EEFSEC: variants seen among roughly 807,000 people sequenced by gnomAD.
The protein encoded by EEFSEC is selenocysteine-specific elongation factor.
Under a neutral mutation model 42.1 loss-of-function variants are expected in EEFSEC, and 43 were observed. The ratio of observed to expected loss-of-function variants is 1.02; its 90% CI spans 0.80 to 1.32. The LOEUF is 1.32. Ranked by LOEUF, EEFSEC falls within the 40% of genes most tolerant of loss-of-function variation. The pLI is 0.00. For synonymous variants in EEFSEC, 354 were observed against 339.1 expected, an observed-to-expected ratio of 1.04 and a Z score of -0.48; for missense variants, 745 against 803.6, an observed-to-expected ratio of 0.93 and a Z score of 0.88.
At chr3:128,259,894 A>T (rs2066280701) in intron 2 of EEFSEC, among the ~76,000 whole-genome samples, 1 of 151,796 alleles carries the variant, frequency 6.6e-6, no homozygotes, top group African/African-American at 2.4e-5. Context: ...TATATACACA[A>T]CATAGTTTGT....
At chr3:128,172,761 C>G (rs2065311925) in intron 1 of EEFSEC, among the ~76,000 whole-genome samples, 1 of 152,208 alleles carries the variant, frequency 6.6e-6, no homozygotes, top group Non-Finnish European at 1.5e-5. Context: ...ATTCATTGAG[C>G]ATGTCCATTG....
intron 4 of EEFSEC, among the ~76,000 whole-genome samples, chr3:128,272,553 C>T (rs1245260719): frequency 2.0e-5 from 3 of 152,162 alleles, no homozygotes; most frequent in African/African-American, 4.8e-5. Flanking sequence ...GTGTCTGCCC[C>T]GCCTCAGAAC....
At chr3:128,239,793 A>G (rs1221962776) in intron 1 of EEFSEC, among the ~76,000 whole-genome samples, 2 of 151,536 alleles carry the variant, frequency 1.3e-5, no homozygotes, top group Non-Finnish European at 2.9e-5. Flanking sequence ...GCTTTATAAA[A>G]CTCCCCTCCA....
intron 4 of EEFSEC, among the ~76,000 whole-genome samples, chr3:128,316,330 G>T (rs2066944468): frequency 1.3e-5 from 2 of 152,082 alleles, no homozygotes; most frequent in African/African-American, 4.8e-5. Context: ...TACACACTTA[G>T]GAATAAAAAG....
intron 1 of EEFSEC, among the ~76,000 whole-genome samples, chr3:128,194,964 T>C (rs920035814): frequency 6.6e-6 from 1 of 152,232 alleles, no homozygotes; most frequent in African/African-American, 2.4e-5. Flanking sequence ...ACATTATTAG[T>C]TGAATAGTTA....
chr3:128,407,381 G>T (rs536492029), intron 6 of EEFSEC, among the ~76,000 whole-genome samples: 6 of 152,326 alleles, frequency 3.9e-5, no homozygotes, highest in Admixed American at 3.9e-4. Context: ...CCCCACTGGG[G>T]TGTCCTGATG....
At chr3:128,404,409 GC>G (rs1196486482) in intron 6 of EEFSEC, among the ~76,000 whole-genome samples, 1 of 152,262 alleles carries the variant, frequency 6.6e-6, no homozygotes, top group Non-Finnish European at 1.5e-5. Context: ...TGTAACGAGA[GC>G]CATCGCGGGT....
At chr3:128,401,618 G>A (rs777770190) in intron 6 of EEFSEC, among the ~76,000 whole-genome samples, 20 of 152,304 alleles carry the variant, frequency 1.3e-4, no homozygotes, top group Middle Eastern at 3.4e-3. Flanking sequence ...ACATGATGGC[G>A]TCAGAGAGGG....
chr3:128,334,378 T>C (rs1166272869), intron 4 of EEFSEC, among the ~76,000 whole-genome samples: 4 of 152,214 alleles, frequency 2.6e-5, no homozygotes, highest in Admixed American at 2.6e-4. Context: ...CACAGCTGCC[T>C]GCTGCCTGCT....
intron 4 of EEFSEC, among the ~76,000 whole-genome samples, chr3:128,286,963 C>T (rs1216499944): frequency 6.6e-6 from 1 of 152,186 alleles, no homozygotes; most frequent in Non-Finnish European, 1.5e-5. Flanking sequence ...TCTGTGACCT[C>T]CCTCCAACAG....
intron 4 of EEFSEC, among the ~76,000 whole-genome samples, chr3:128,271,720 A>G (rs1263341029): frequency 2.0e-5 from 3 of 151,996 alleles, no homozygotes; most frequent in African/African-American, 4.8e-5. Flanking sequence ...GCTCAGGTTC[A>G]AACTCCCGGG....
intron 1 of EEFSEC, among the ~76,000 whole-genome samples, chr3:128,232,418 T>C (rs2065967936): frequency 6.6e-6 from 1 of 152,334 alleles, no homozygotes; most frequent in Admixed American, 6.5e-5. Context: ...ACACCCGGTT[T>C]ATTAATTGAA....
At chr3:128,306,708 TA>T (rs1168240742) in intron 4 of EEFSEC, among the ~76,000 whole-genome samples, 2 of 152,388 alleles carry the variant, frequency 1.3e-5, no homozygotes, top group East Asian at 3.9e-4. Flanking sequence ...AGATTTGTGC[TA>T]CTCACTTTAC....
intron 4 of EEFSEC, among the ~76,000 whole-genome samples, chr3:128,282,892 T>G (rs542408739): frequency 6.6e-6 from 1 of 152,366 alleles, no homozygotes; most frequent in South Asian, 2.1e-4. Context: ...GCTGACGGCC[T>G]TCGGGAAGCA....
intron 4 of EEFSEC, among the ~76,000 whole-genome samples, chr3:128,335,099 A>G (rs1014406714): frequency 6.6e-6 from 1 of 152,214 alleles, no homozygotes; most frequent in Non-Finnish European, 1.5e-5. Flanking sequence ...GAGCTCCCCA[A>G]AAGAGGGCCC....
At chr3:128,368,557 C>T (rs1443434991) in intron 6 of EEFSEC, among the ~76,000 whole-genome samples, 2 of 152,166 alleles carry the variant, frequency 1.3e-5, no homozygotes, top group Non-Finnish European at 2.9e-5. Context: ...ATGACAACTG[C>T]GCATGTTAAA....
rs184343975 is a variant in EEFSEC, at chr3:128,393,758, G to A, written c.1601-14311G>A. On this transcript the variant is annotated intron_variant, in intron 6 of 6. Transcript: ENST00000254730. ...GCCAGGGGGCTACTGCAGAGAGCCC[G>A]AGTCCATGGCTGGTGAGCCAAGAGG... 7.2e-5 allele frequency among the ~76,000 whole-genome samples: 11 copies of A among 152,388 alleles called. No homozygotes were observed. In the East Asian group the frequency reaches 1.7e-3, roughly 24 times the overall value.
chr3:128,365,367 C>T (rs1179956449), intron 6 of EEFSEC, among the ~76,000 whole-genome samples: 1 of 152,208 alleles, frequency 6.6e-6, no homozygotes, highest in Non-Finnish European at 1.5e-5. Context: ...CCTGGAGGGT[C>T]TCCTGGGGCA....
intron 1 of EEFSEC, among the ~76,000 whole-genome samples, chr3:128,156,516 G>A (rs973597895): frequency 1.3e-5 from 2 of 152,156 alleles, no homozygotes; most frequent in African/African-American, 4.8e-5. Flanking sequence ...ACAAATCGAA[G>A]GTTCAAGGCA....
Sources: allele counts gnomAD v4.1 joint callset (sites outside exome capture counted in the v4.1 genomes callset), GRCh38; gene constraint gnomAD v4.1.1; transcripts MANE v1.5; gene names NCBI Gene and HGNC (gene_info 2026-07-23, HGNC 2026-07-21).